The following GUCY1A2 variants were observed in gnomAD, a reference collection of about 807,000 sequenced individuals.
GUCY1A2 encodes guanylate cyclase 1 soluble subunit alpha 2.
A neutral mutation model predicts 63.5 loss-of-function variants in GUCY1A2; 27 were observed. The observed-to-expected ratio is 0.43, with a 90% CI of 0.31 to 0.59. GUCY1A2 has a LOEUF of 0.59. GUCY1A2 is among the 20% of genes least tolerant of loss of function. The pLI, the probability that GUCY1A2 is intolerant of heterozygous loss-of-function variation, is 0.11. For synonymous variants in GUCY1A2, 364 were observed against 343.5 expected, an observed-to-expected ratio of 1.06 and a Z score of -0.66; for missense variants, 768 against 913.3, an observed-to-expected ratio of 0.84 and a Z score of 2.05.
chr11:106,746,816 T>TGTCA (rs1863796246), intron 6 of GUCY1A2, among the ~76,000 whole-genome samples: 1 of 151,362 alleles, frequency 6.6e-6, no homozygotes, highest in African/African-American at 2.5e-5. Context: ...TAGGAAGCTC[T>TGTCA]GTCATTTGAA....
intron 1 of GUCY1A2, among the ~76,000 whole-genome samples, chr11:107,004,044 T>A (rs2120189938): frequency 6.6e-6 from 1 of 152,246 alleles, no homozygotes; most frequent in South Asian, 2.1e-4. Context: ...GAATGGGGCA[T>A]GACTTTGAGC....
At chr11:106,830,777 A>T (rs1940388) in intron 4 of GUCY1A2, among the ~76,000 whole-genome samples, 139,158 of 152,168 alleles carry the variant, frequency 0.91, 63,703 homozygotes, top group East Asian at 1. Context: ...ATTAGTTCCG[A>T]CCCTCTAGAG....
At chr11:106,721,345 C>T (rs2135363496) in intron 6 of GUCY1A2, among the ~76,000 whole-genome samples, 1 of 152,304 alleles carries the variant, frequency 6.6e-6, no homozygotes, top group South Asian at 2.1e-4. Context: ...AGGAGTGAGC[C>T]ACCGCGCCTG....
intron 4 of GUCY1A2, among the ~76,000 whole-genome samples, chr11:106,855,477 C>CTT (rs58864167): frequency 7.3e-5 from 11 of 151,710 alleles, no homozygotes; most frequent in African/African-American, 2.7e-4. Flanking sequence ...TGTTTTGGTC[C>CTT]TTTTTTTTGT....
In GUCY1A2 at chr11:106,684,122, T is replaced by C. The variant is rs11211862; in HGVS notation, c.*3427A>G. On this transcript the variant is annotated 3_prime_UTR_variant, in exon 8 of 8. Coordinates refer to ENST00000526355, the MANE Select transcript of GUCY1A2 (RefSeq NM_000855.3). Reference sequence around the variant, plus strand: ...ATATTCACACTAAACTACTGTGTCCTGACACCGTTGTTACTGGACAAGAGG... The same window carrying C: ...ATATTCACACTAAACTACTGTGTCCCGACACCGTTGTTACTGGACAAGAGG... The C allele has an allele frequency of 0.077, 14,121 of 184,420 alleles. 905 individuals carry two copies. The highest frequency in any genetic ancestry group is 0.16 in the African/African-American group (6,940 of 42,632). 11.4% of individuals were successfully genotyped at this position (184,420 alleles called of 1,614,324 possible). A position where few individuals can be genotyped will look rare whatever the true frequency, so the allele number is the denominator to read the frequency against.
intron 4 of GUCY1A2, among the ~76,000 whole-genome samples, chr11:106,868,800 T>C (rs1433516471): frequency 6.6e-6 from 1 of 152,118 alleles, no homozygotes; most frequent in Non-Finnish European, 1.5e-5. Context: ...CATTGCCAAG[T>C]CAATCCTAAG....
intron 7 of GUCY1A2, among the ~76,000 whole-genome samples, chr11:106,697,543 A>AT (rs775871272): frequency 6.6e-6 from 1 of 152,174 alleles, no homozygotes; most frequent in East Asian, 1.9e-4. Context: ...TGAAACAAAC[A>AT]TATTTCCTTA....
intron 3 of GUCY1A2, among the ~76,000 whole-genome samples, chr11:106,973,347 C>T (rs891435592): frequency 1.3e-5 from 2 of 152,034 alleles, no homozygotes; most frequent in Non-Finnish European, 1.5e-5. Context: ...TATGAAACCA[C>T]GTTTGTGTTG....
chr11:106,821,535 C>A (rs1320871219), intron 4 of GUCY1A2, among the ~76,000 whole-genome samples: 3 of 152,182 alleles, frequency 2.0e-5, no homozygotes, highest in Admixed American at 2.0e-4. Flanking sequence ...TTCTACATAT[C>A]TGGTGTATAT....
intron 4 of GUCY1A2, chr11:106,824,208 T>G: frequency 8.1e-7 from 1 of 1,231,918 alleles, no homozygotes; most frequent in Non-Finnish European, 1.1e-6. Flanking sequence ...ATTTTCAGTT[T>G]TATATATTTT....
intron 7 of GUCY1A2, among the ~76,000 whole-genome samples, chr11:106,692,663 G>A (rs778923311): frequency 1.3e-4 from 20 of 152,104 alleles, no homozygotes; most frequent in Middle Eastern, 3.2e-3. Context: ...TTAAAAAAGG[G>A]TCAGTGAGTT....
At chr11:106,822,205 A>G (rs1858912142) in intron 4 of GUCY1A2, among the ~76,000 whole-genome samples, 1 of 152,178 alleles carries the variant, frequency 6.6e-6, no homozygotes, top group Admixed American at 6.5e-5. Context: ...TTTATTTTGC[A>G]AATTTTAGGA....
At chr11:106,878,070 C>A (rs538627440) in intron 4 of GUCY1A2, among the ~76,000 whole-genome samples, 13 of 151,654 alleles carry the variant, frequency 8.6e-5, no homozygotes, top group Non-Finnish European at 1.5e-4. Context: ...AAATCAAAAC[C>A]ACAATGAAAT....
At chr11:106,816,269 T>C (rs1172940286) in intron 4 of GUCY1A2, among the ~76,000 whole-genome samples, 1 of 150,060 alleles carries the variant, frequency 6.7e-6, no homozygotes, top group East Asian at 2.0e-4. Context: ...AAGTTGAAAT[T>C]GTACAGAGTA....
chr11:106,841,345 T>C (rs1859194594), intron 4 of GUCY1A2, among the ~76,000 whole-genome samples: 1 of 151,884 alleles, frequency 6.6e-6, no homozygotes, highest in Non-Finnish European at 1.5e-5. Flanking sequence ...AACTCCGTAT[T>C]TCTCTTTTCA....
intron 1 of GUCY1A2, among the ~76,000 whole-genome samples, chr11:107,014,079 CTTTTTTTTTTTTTTTTT>C (rs71044206): frequency 2.9e-5 from 2 of 70,018 alleles, no homozygotes; most frequent in African/African-American, 1.2e-4. Context: ...CCATGTTTTC[CTTTTTTTTTTTTTTTTT>C]TTTTTTTTTT....
At chr11:106,910,111 A>C (rs1014798399) in intron 4 of GUCY1A2, among the ~76,000 whole-genome samples, 1 of 152,056 alleles carries the variant, frequency 6.6e-6, no homozygotes, top group Non-Finnish European at 1.5e-5. Context: ...CTAAAGAATG[A>C]AAATATGAAT....
chr11:106,936,110 T>A (rs998962786), intron 4 of GUCY1A2, among the ~76,000 whole-genome samples: 1 of 152,186 alleles, frequency 6.6e-6, no homozygotes, highest in African/African-American at 2.4e-5. Context: ...AGCTATGTGC[T>A]ATTACTCTCA....
intron 5 of GUCY1A2, among the ~76,000 whole-genome samples, chr11:106,805,250 T>A (rs1008046737): frequency 1.8e-3 from 13 of 7,188 alleles, no homozygotes; most frequent in African/African-American, 2.9e-3. Context: ...TCACTAACAT[T>A]TTTTTTTTTT....
Sources: allele counts gnomAD v4.1 joint callset (sites outside exome capture counted in the v4.1 genomes callset), GRCh38; gene constraint gnomAD v4.1.1; transcripts MANE v1.5; gene names NCBI Gene and HGNC (gene_info 2026-07-23, HGNC 2026-07-21).